Variants in SIDT2 observed in about 807,000 individuals in gnomAD.
SIDT2 encodes the protein SID1 transmembrane family member 2.
In SIDT2, 68 loss-of-function variants were observed where a neutral mutation model predicts 114.4. The observed-to-expected ratio is 0.59, with a 90% confidence interval of 0.49 to 0.73. The LOEUF (loss-of-function observed/expected upper bound fraction) is 0.73, where lower values mean the gene tolerates loss of function less well. Among genes scored for constraint, SIDT2 ranks in the 30% least tolerant of loss-of-function variants. The probability of loss-of-function intolerance (pLI) is 0.00; values close to 1 mark genes in which losing one functional copy is unlikely to be tolerated. For synonymous variants in SIDT2, 470 were observed against 438.4 expected (o/e 1.07, Z -0.90); for missense variants, 918 against 1,097.1 (o/e 0.84, Z 2.31).
In SIDT2 at chr11:117,184,113, CAG is replaced by C; in HGVS notation, c.843_844del (p.Val282AlafsTer9). ...CAAGGGCACCGCCAGAAAACCCTGT[CAG>C]TGCTGGTGTCTCAAGCAGTCACGTG... On this transcript the variant is annotated frameshift_variant, in exon 8 of 26. Transcript: ENST00000324225. LOFTEE classifies it high-confidence loss of function. 5 of 1,614,184 alleles carry C rather than the reference CAG, an allele frequency of 3.1e-6. No homozygotes were observed. The highest frequency in any genetic ancestry group is 4.2e-6 in the Non-Finnish European group (5 of 1,180,044).
At chr11:117,191,662 G>A in intron 18 of SIDT2, 1 of 619,034 alleles carries the variant, frequency 1.6e-6, no homozygotes, top group South Asian at 1.9e-5. Context: ...GTTTTCAGGA[G>A]ATGTCAGACT....
At chr11:117,186,658 G>A in intron 10 of SIDT2, 22 bp downstream of exon 10, 1 of 1,549,800 alleles carries the variant, frequency 6.5e-7, no homozygotes, top group Non-Finnish European at 8.7e-7. Context: ...GGGCCTGGGT[G>A]GGGCGGGCAC....
intron 22 of SIDT2, 141 bp downstream of exon 22, chr11:117,193,007 T>A: frequency 7.4e-7 from 1 of 1,343,586 alleles, no homozygotes; most frequent in South Asian, 1.2e-5. Context: ...GCCTCTCTTC[T>A]CTCTCTTGGC....
rs199702574 is a variant in SIDT2 at position 117,188,741 on chromosome 11, G to A, written c.1193G>A (p.Arg398Gln). ...TTTGAACCTGTAGGTACTCGGCCCC[G>A]AGTGGACTCCATGAGCTCTGTGGAG... ...RSFEPVGTRPRVDSMSSVEED... is the reference protein window; with the variant it reads ...RSFEPVGTRPQVDSMSSVEED... Residue 398 changes from arginine to glutamine, a missense_variant, in exon 13 of 26, where the codon CGA (arginine) becomes CAA (glutamine). Transcript: ENST00000324225. The surrounding 1 kb of genome is among the most constrained non-coding windows in gnomAD (Gnocchi z 4.0). 8 of 1,613,980 alleles carry A rather than the reference G, an allele frequency of 5.0e-6. No individual in the cohort carries two copies. Among genetic ancestry groups the A allele is most frequent in the South Asian group, 3.3e-5 (3 of 91,078 alleles).
chr11:117,182,602 C>G lies in SIDT2; in HGVS notation c.600C>G (p.Ile200Met), dbSNP rs201265580. ...ACAAGGCCTTCCCCTGCTCAGTCAT[C>G]TCCATTCAGGATGTGCTGGTGAGTT... The part of the protein sequence containing the change: ...TSNKAFPCSV[I>M]SIQDVLCPVY... The change falls in exon 5 of 26, where the codon ATC becomes ATG. Residue 200 changes from isoleucine to methionine, a missense_variant. Transcript: ENST00000324225. 1 of 1,614,150 alleles carries G rather than the reference C, an allele frequency of 6.2e-7. No homozygotes were observed. The highest frequency in any genetic ancestry group is 1.3e-5 in the African/African-American group (1 of 74,950).
Position 117,189,331 on chromosome 11 carries a change from G to A in SIDT2, c.1353-4G>A, listed in dbSNP as rs369165838. 42 of 1,614,082 alleles carry A rather than the reference G, an allele frequency of 2.6e-5. 1 individual carries two copies. Among genetic ancestry groups the A allele is most frequent in the South Asian group, 9.9e-5 (9 of 91,084 alleles). On this transcript the variant is annotated splice_polypyrimidine_tract_variant and splice_region_variant and intron_variant, in intron 14 of 25. Coordinates refer to ENST00000324225, the MANE Select transcript of SIDT2 (RefSeq NM_001040455.2). ...CACCTCACTGCCGCCCTCCTGCTCC[G>A]CAGGAACATTGCCACCATTGCTGTC... is the stretch of plus-strand genomic sequence containing the variant.
Position 117,195,784 on chromosome 11 carries a change from T to G in SIDT2, c.2323-18T>G. 1.2e-6 allele frequency: 2 copies of G among 1,613,826 alleles called. No homozygotes were observed. Among genetic ancestry groups the G allele is most frequent in the Non-Finnish European group, 1.7e-6 (2 of 1,179,780 alleles). On this transcript the variant is annotated intron_variant, in intron 24 of 25. Coordinates refer to ENST00000324225, the MANE Select transcript of SIDT2 (RefSeq NM_001040455.2). ...CCAGAGCAGGGTCATTCGGCAGTTT[T>G]TCTTGTTGCTCCCCAAGAAAACCCC...
In SIDT2 at chr11:117,181,908, C is replaced by T. The variant is rs956747282; in HGVS notation, c.407C>T (p.Thr136Ile). The change falls in exon 3 of 26, where the codon ACC (threonine) becomes ATC (isoleucine). Residue 136 changes from threonine to isoleucine, a missense_variant. Transcript: ENST00000324225. ...EIQFFYVDVS[T>I]LSPVNTTYQL... ...CAGTTCTTCTACGTGGATGTGTCCA[C>T]CCTGTCACCAGTCAACACCACATAC... 6 of 1,614,088 alleles carry T rather than the reference C, an allele frequency of 3.7e-6. No homozygotes were observed. Among genetic ancestry groups the T allele is most frequent in the African/African-American group, 1.3e-5 (1 of 74,924 alleles).
chr11:117,180,693 A>T (rs2030252270), intron 1 of SIDT2, among the ~76,000 whole-genome samples: 1 of 151,386 alleles, frequency 6.6e-6, no homozygotes, highest in South Asian at 2.1e-4. Flanking sequence ...CTGCCACCAT[A>T]CCCAGCTAAT....
At position 117,192,695 on chromosome 11, in the gene SIDT2, T is replaced by C. The variant is rs1167061368; in HGVS notation, c.2058+45T>C. 56 of 1,612,308 alleles carry C rather than the reference T, an allele frequency of 3.5e-5. No individual in the cohort carries two copies. Among genetic ancestry groups the C allele is most frequent in the Non-Finnish European group, 4.6e-5 (54 of 1,179,304 alleles). On this transcript the variant is annotated intron_variant, in intron 21 of 25. Coordinates refer to ENST00000324225, the MANE Select transcript of SIDT2 (RefSeq NM_001040455.2). The surrounding 1 kb of genome is among the most constrained non-coding windows in gnomAD (Gnocchi z 5.9). ...GCTCCATTCTCCACATCTCCTTTCT[T>C]CCCTCTGATGGGGGAGTGGGGCTGG...
intron 1 of SIDT2, 86 bp from the exon 2 acceptor site, chr11:117,181,330 C>G: frequency 6.5e-7 from 1 of 1,544,132 alleles, no homozygotes; most frequent in Non-Finnish European, 8.7e-7. Flanking sequence ...AAGTAGCTGG[C>G]ATGAAGGAGG....
intron 8 of SIDT2, 111 bp from the exon 9 acceptor site, chr11:117,186,019 A>G: frequency 1.2e-6 from 1 of 828,704 alleles, no homozygotes; most frequent in Non-Finnish European, 2.0e-6. Context: ...ATTTGAGGGG[A>G]GAAGGGTGAG....
chr11:117,181,755 G>A (rs1403512293), intron 2 of SIDT2, 52 bp from the exon 3 acceptor site: 1 of 1,611,300 alleles, frequency 6.2e-7, no homozygotes, highest in Non-Finnish European at 8.5e-7. Flanking sequence ...CTCTGGAGGG[G>A]CAGGCCGGCT....
chr11:117,188,876 T>A lies in SIDT2; in HGVS notation c.1278+50T>A, dbSNP rs759174578. 7.9e-5 allele frequency: 121 copies of A among 1,531,502 alleles called. No homozygotes were observed. The highest frequency in any genetic ancestry group is 9.1e-7 in the Non-Finnish European group (1 of 1,104,802). 94.9% of individuals were successfully genotyped at this position (1,531,502 alleles called of 1,614,324 possible). A position where few individuals can be genotyped will look rare whatever the true frequency, so the allele number is the denominator to read the frequency against. The stretch of plus-strand genomic sequence containing the variant: ...TCAGGCGTTTCCTGAGAAAGGGACA[T>A]TCTGCGTTCCCGCCCCAGCATGTTC... On this transcript the variant is annotated intron_variant, in intron 13 of 25. Transcript: ENST00000324225. This position sits in a 1 kb window ranked among gnomAD's most constrained non-coding sequence, Gnocchi z 4.0.
chr11:117,194,752 AGCTTCCTGGAAAAAGTGC>A (rs1037594550), intron 24 of SIDT2, among the ~76,000 whole-genome samples: 1 of 152,170 alleles, frequency 6.6e-6, no homozygotes, highest in African/African-American at 2.4e-5. Flanking sequence ...AGTCCAGGAA[AGCTTCCTGGAAAAAGTGC>A]GCCTTGTTCT....
intron 10 of SIDT2, chr11:117,186,932 C>G: frequency 4.0e-6 from 6 of 1,487,868 alleles, no homozygotes; most frequent in Middle Eastern, 1.7e-4. Context: ...CCTTCTCTCT[C>G]TCTTCCACCC....
At position 117,188,137 on chromosome 11, in the gene SIDT2, C is replaced by T. The variant is rs539733067; in HGVS notation, c.1159+438C>T. Reference sequence around the variant, plus strand: ...CAGGCTCCTTTGGCTGGCGGGCTGGCGCCTCCGCTCTCTCCAGGCTGGACA... The same window carrying T: ...CAGGCTCCTTTGGCTGGCGGGCTGGTGCCTCCGCTCTCTCCAGGCTGGACA... On this transcript the variant is annotated intron_variant, in intron 12 of 25. Coordinates refer to ENST00000324225, the MANE Select transcript of SIDT2 (RefSeq NM_001040455.2). This position sits in a 1 kb window ranked among gnomAD's most constrained non-coding sequence, Gnocchi z 4.0. The T allele has an allele frequency of 5.3e-6, 2 of 380,804 alleles. No individual in the cohort carries two copies. Among genetic ancestry groups the T allele is most frequent in the African/African-American group, 4.2e-5 (2 of 47,738 alleles). 23.6% of individuals were successfully genotyped at this position (380,804 alleles called of 1,614,324 possible). A position where few individuals can be genotyped will look rare whatever the true frequency, so the allele number is the denominator to read the frequency against.
intron 11 of SIDT2, 63 bp from the exon 12 acceptor site, chr11:117,187,565 A>G: frequency 6.2e-7 from 1 of 1,600,316 alleles, no homozygotes; most frequent in Non-Finnish European, 8.6e-7. Context: ...CCCTCTGCAG[A>G]TGCTCAGAGC....
At chr11:117,187,211 G>T (rs1038506679) in intron 10 of SIDT2, among the ~76,000 whole-genome samples, 167 bp from the exon 11 acceptor site, 2 of 152,074 alleles carry the variant, frequency 1.3e-5, no homozygotes, top group African/African-American at 4.8e-5. Context: ...GGGCTGGGGC[G>T]GGTGGTGGTG....
Sources: allele counts gnomAD v4.1 joint callset (sites outside exome capture counted in the v4.1 genomes callset), GRCh38; gene constraint gnomAD v4.1.1; non-coding constraint Gnocchi (gnomAD v3.1); transcripts MANE v1.5; gene names NCBI Gene and HGNC (gene_info 2026-07-23, HGNC 2026-07-21).